The following MCF2L2 variants were observed in gnomAD, a reference collection of about 807,000 sequenced individuals.
MCF2L2 encodes the protein MCF.2 cell line derived transforming sequence-like 2, also known as probable guanine nucleotide exchange factor MCF2L2.
In MCF2L2, 102 loss-of-function variants were observed where a neutral mutation model predicts 150.2. The observed-to-expected ratio is 0.68, with a 90% CI of 0.58 to 0.80. The LOEUF (loss-of-function observed/expected upper bound fraction) is 0.80, where lower values mean the gene tolerates loss of function less well. Among genes scored for constraint, MCF2L2 ranks in the 30% least tolerant of loss-of-function variants. The pLI, the probability that MCF2L2 is intolerant of heterozygous loss-of-function variation, is 0.00. For synonymous variants in MCF2L2, 465 were observed against 491.3 expected (o/e 0.95, Z 0.71); for missense variants, 1,256 against 1,372.8 (o/e 0.91, Z 1.34).
intron 1 of MCF2L2, among the ~76,000 whole-genome samples, chr3:183,417,059 C>T (rs558039304): frequency 1.5e-4 from 21 of 136,598 alleles, no homozygotes; most frequent in African/African-American, 5.9e-4. Context: ...TTGCAGTGAG[C>T]CAAGATCGTG....
intron 14 of MCF2L2, among the ~76,000 whole-genome samples, chr3:183,288,191 T>C (rs560902994): frequency 1.3e-5 from 2 of 152,340 alleles, no homozygotes; most frequent in South Asian, 2.1e-4. Context: ...TACCCATTTG[T>C]ACAAGCAAGA....
chr3:183,361,070 C>CA (rs1712150166), intron 3 of MCF2L2, among the ~76,000 whole-genome samples: 5 of 109,186 alleles, frequency 4.6e-5, no homozygotes, highest in African/African-American at 2.3e-4. Context: ...CCAGATAAGA[C>CA]AGAAGAGAAG....
chr3:183,290,131 T>C lies in MCF2L2; in HGVS notation c.1676-911A>G, dbSNP rs558710747. Among the ~76,000 whole-genome samples the C allele has an allele frequency of 5.2e-4, 79 of 152,352 alleles. 1 individual carries two copies. Among genetic ancestry groups the C allele is most frequent in the African/African-American group, 1.9e-3 (78 of 41,586 alleles). On this transcript the variant is annotated intron_variant, in intron 13 of 29. Transcript: ENST00000328913. ...AACGCTGAAGCACAATCACTTAGTA[T>C]ATTTCCTTACAGTCTTCTTTCAAAT...
rs1417090607 is a variant in MCF2L2 at position 183,357,822 on chromosome 3, T to C, written c.276-16192A>G. Among the ~76,000 whole-genome samples the C allele has an allele frequency of 1.4e-5, 2 of 147,372 alleles. 1 individual carries two copies. Among genetic ancestry groups the C allele is most frequent in the African/African-American group, 5.1e-5 (2 of 39,254 alleles). ...GGTTTTCCACTTATTCTCTTCTCCA[T>C]GATGTAAAGATATTTTTCAAAATGT... On this transcript the variant is annotated intron_variant, in intron 3 of 29. Transcript: ENST00000328913.
Position 183,379,418 on chromosome 3 carries a change from CA to C in MCF2L2, c.161-8del. 1.3e-6 allele frequency: 2 copies of C among 1,599,134 alleles called. No individual in the cohort carries two copies. The highest frequency in any genetic ancestry group is 1.7e-6 in the Non-Finnish European group (2 of 1,169,466). On this transcript the variant is annotated splice_region_variant and splice_polypyrimidine_tract_variant and intron_variant, in intron 2 of 29. Coordinates refer to ENST00000328913, the MANE Select transcript of MCF2L2 (RefSeq NM_015078.4). Reference sequence around the variant, plus strand: ...CCATCCTCCCCTCGGCCTCCTGCAACAAAAACAGGTGGTCAAAATGTTAGCA... The same window carrying C: ...CCATCCTCCCCTCGGCCTCCTGCAACAAAACAGGTGGTCAAAATGTTAGCA...
chr3:183,332,157 T>C (rs1225041306), intron 5 of MCF2L2, among the ~76,000 whole-genome samples: 3 of 152,292 alleles, frequency 2.0e-5, no homozygotes, highest in Non-Finnish European at 1.5e-5. Flanking sequence ...TGAACTGTCA[T>C]TGAGAAGGCA....
intron 2 of MCF2L2, among the ~76,000 whole-genome samples, chr3:183,388,018 G>C (rs2108596547): frequency 6.6e-6 from 1 of 151,820 alleles, no homozygotes; most frequent in East Asian, 1.9e-4. Flanking sequence ...AGTTGCCCAA[G>C]GTGATGCTGC....
In MCF2L2 at chr3:183,323,339, T is replaced by C. The variant is rs199619499; in HGVS notation, c.499A>G (p.Asn167Asp). ...TAGCCGTGAAGGTCAGAGACAGAGT[T>C]TACCATGATGATCTGTAAGGTAAAA... ...FKTKVPIIMV[N>D]SVSDLHGYID... The change falls in exon 6 of 30, where the codon AAC (asparagine) becomes GAC (aspartate). Residue 167 changes from asparagine to aspartate, a missense_variant. Asn to Asp is a conservative substitution (Grantham distance 23). Coordinates refer to ENST00000328913, the MANE Select transcript of MCF2L2 (RefSeq NM_015078.4). The C allele has an allele frequency of 3.0e-4, 483 of 1,609,460 alleles. No homozygotes were observed. The highest frequency in any genetic ancestry group is 3.3e-4 in the Non-Finnish European group (392 of 1,175,986).
chr3:183,261,995 C>CATATAT (rs61309164), intron 15 of MCF2L2, among the ~76,000 whole-genome samples: 2 of 128,634 alleles, frequency 1.6e-5, no homozygotes, highest in East Asian at 2.2e-4. Context: ...ATTGGGCATT[C>CATATAT]ATATATATAT....
chr3:183,193,654 T>G (rs769607130), intron 26 of MCF2L2, among the ~76,000 whole-genome samples: 11 of 152,176 alleles, frequency 7.2e-5, no homozygotes, highest in Non-Finnish European at 1.5e-4. Flanking sequence ...GGGGAAGAGA[T>G]GAGGAGGAAT....
At chr3:183,273,838 T>C (rs889776625) in intron 15 of MCF2L2, among the ~76,000 whole-genome samples, 1 of 152,246 alleles carries the variant, frequency 6.6e-6, no homozygotes, top group African/African-American at 2.4e-5. Context: ...CTCTACCATA[T>C]ATCTAGGTGT....
intron 1 of MCF2L2, among the ~76,000 whole-genome samples, chr3:183,392,410 T>A (rs1300627088): frequency 2.6e-5 from 4 of 152,160 alleles, no homozygotes; most frequent in African/African-American, 9.7e-5. Context: ...CTGACTAGTG[T>A]CATGGGAATC....
chr3:183,374,828 C>T (rs1194791187), intron 3 of MCF2L2: 2 of 152,214 alleles, frequency 1.3e-5, no homozygotes, highest in Non-Finnish European at 2.9e-5. Context: ...CTGGAATGCT[C>T]CCTTCTGTAT....
chr3:183,294,069 T>A (rs979961141), intron 13 of MCF2L2, among the ~76,000 whole-genome samples: 45 of 152,248 alleles, frequency 3.0e-4, no homozygotes, highest in African/African-American at 1.1e-3. Context: ...TGAAAGGTGA[T>A]TCTAAAATTT....
chr3:183,288,952 G>T (rs963913242), intron 14 of MCF2L2, among the ~76,000 whole-genome samples, 168 bp downstream of exon 14: 3 of 151,968 alleles, frequency 2.0e-5, no homozygotes, highest in Non-Finnish European at 4.4e-5. Context: ...GAAAGAAAAG[G>T]ATGAAAAGAA....
chr3:183,359,534 C>A lies in MCF2L2; in HGVS notation c.276-17904G>T, dbSNP rs149046260. On this transcript the variant is annotated intron_variant, in intron 3 of 29. Coordinates refer to ENST00000328913, the MANE Select transcript of MCF2L2 (RefSeq NM_015078.4). ...CTATGGCCATATCACCTTGAACACA[C>A]CTGAACTCATCTGATTTCAGAAAAA... is the stretch of plus-strand genomic sequence containing the variant. Among the ~76,000 whole-genome samples, 1,406 of 152,330 alleles carry A rather than the reference C, an allele frequency of 9.2e-3. 13 individuals carry two copies. The highest frequency in any genetic ancestry group is 0.023 in the South Asian group (113 of 4,830).
intron 1 of MCF2L2, among the ~76,000 whole-genome samples, chr3:183,399,307 C>T (rs1577124088): frequency 6.6e-6 from 1 of 152,136 alleles, no homozygotes; most frequent in East Asian, 1.9e-4. Context: ...TTAATAACTT[C>T]CCACTGTTGA....
At chr3:183,361,031 AAAAG>A in intron 3 of MCF2L2, among the ~76,000 whole-genome samples, 5 of 150,796 alleles carry the variant, frequency 3.3e-5, no homozygotes, top group African/African-American at 9.8e-5. Flanking sequence ...AAGAGAAAAG[AAAAG>A]GAAGAAAGGA....
chr3:183,338,917 C>CA lies in MCF2L2; in HGVS notation c.368dup (p.Ala124GlyfsTer24). On this transcript the variant is annotated frameshift_variant and splice_region_variant, in exon 5 of 30. Transcript: ENST00000328913. LOFTEE classifies it high-confidence loss of function. ...TGAGCTGTAAGTTTCCTGGAAATGCCACCTGCAAGCATCAGGAAAAGTGTC... is the reference window on the plus strand; with the variant it reads ...TGAGCTGTAAGTTTCCTGGAAATGCCAACCTGCAAGCATCAGGAAAAGTGTC... 1 of 1,594,586 alleles carries CA rather than the reference C, an allele frequency of 6.3e-7. No homozygotes were observed. Among genetic ancestry groups the CA allele is most frequent in the Non-Finnish European group, 8.6e-7 (1 of 1,166,218 alleles).
Sources: gnomAD v4.1 joint callset for allele counts (sites outside exome capture counted in the v4.1 genomes callset) on GRCh38, gnomAD v4.1.1 for gene constraint, MANE v1.5 for transcripts, NCBI Gene and HGNC (gene_info 2026-07-23, HGNC 2026-07-21) for gene names.